CDH2: variants seen among roughly 807,000 people sequenced by gnomAD.
CDH2 encodes cadherin-2.
CDH2 carries 17 observed loss-of-function variants against 92.0 expected under a neutral mutation model. The ratio of observed to expected loss-of-function variants is 0.18; its 90% CI spans 0.13 to 0.28. The LOEUF (loss-of-function observed/expected upper bound fraction) is 0.28, where lower values mean the gene tolerates loss of function less well. Ranked by LOEUF, CDH2 falls within the 10% of genes least tolerant of loss-of-function variation. The probability of loss-of-function intolerance (pLI) is 1.00; values close to 1 mark genes in which losing one functional copy is unlikely to be tolerated. For synonymous variants in CDH2, 419 were observed against 415.9 expected, an observed-to-expected ratio of 1.01 and a Z score of -0.09; for missense variants, 862 against 1,133.1, an observed-to-expected ratio of 0.76 and a Z score of 3.44.
chr18:28,042,815 T>A (rs922984390), intron 2 of CDH2, among the ~76,000 whole-genome samples: 1 of 152,100 alleles, frequency 6.6e-6, no homozygotes, highest in Non-Finnish European at 1.5e-5. Flanking sequence ...ATAATAAAAA[T>A]CAGAGTAAAT....
intron 2 of CDH2, among the ~76,000 whole-genome samples, chr18:28,069,719 G>A (rs1285335422): frequency 1.3e-5 from 2 of 152,048 alleles, no homozygotes; most frequent in Non-Finnish European, 2.9e-5. Flanking sequence ...CCAGAATGCG[G>A]GACACATTAA....
intron 2 of CDH2, among the ~76,000 whole-genome samples, chr18:28,123,942 G>A (rs1246722992): frequency 6.6e-6 from 1 of 152,022 alleles, no homozygotes; most frequent in Non-Finnish European, 1.5e-5. Flanking sequence ...GCGGGAGGTG[G>A]GGGAGATAAA....
intron 2 of CDH2, among the ~76,000 whole-genome samples, chr18:28,018,549 C>A (rs1422131623): frequency 6.6e-6 from 1 of 151,744 alleles, no homozygotes; most frequent in Non-Finnish European, 1.5e-5. Context: ...GGCATATAGA[C>A]CAATGGAACA....
intron 14 of CDH2, among the ~76,000 whole-genome samples, chr18:27,976,017 G>A (rs1293585011): frequency 3.9e-5 from 6 of 152,198 alleles, no homozygotes; most frequent in East Asian, 1.9e-4. Context: ...GGACAGAATC[G>A]GGGGCAGGGC....
chr18:28,169,598 T>A (rs2016434768), intron 1 of CDH2, among the ~76,000 whole-genome samples: 1 of 152,176 alleles, frequency 6.6e-6, no homozygotes, highest in South Asian at 2.1e-4. Flanking sequence ...TGTTTTTAAT[T>A]ACACAAAAAT....
At chr18:28,132,681 G>A (rs543125000) in intron 2 of CDH2, among the ~76,000 whole-genome samples, 5 of 152,244 alleles carry the variant, frequency 3.3e-5, no homozygotes, top group South Asian at 2.1e-4. Context: ...GAGCAGCAGG[G>A]AGCAGATACC....
At chr18:28,152,892 T>C (rs963393145) in intron 1 of CDH2, among the ~76,000 whole-genome samples, 5 of 151,932 alleles carry the variant, frequency 3.3e-5, no homozygotes, top group Non-Finnish European at 7.4e-5. Flanking sequence ...AATACCAAGA[T>C]AGTTAAGATC....
At chr18:28,137,612 C>T (rs997531978) in intron 2 of CDH2, among the ~76,000 whole-genome samples, 2 of 151,742 alleles carry the variant, frequency 1.3e-5, no homozygotes, top group Non-Finnish European at 2.9e-5. Flanking sequence ...AAACAAAAAA[C>T]TGTGCTCAAA....
At chr18:28,120,100 G>A (rs1379848603) in intron 2 of CDH2, among the ~76,000 whole-genome samples, 1 of 151,860 alleles carries the variant, frequency 6.6e-6, no homozygotes, top group Admixed American at 6.6e-5. Context: ...GTTTCACACA[G>A]CCAAAACTGC....
chr18:27,949,089 A>G (rs1909347824), downstream of CDH2, among the ~76,000 whole-genome samples: 1 of 151,972 alleles, frequency 6.6e-6, no homozygotes, highest in Non-Finnish European at 1.5e-5. Context: ...GTCATTTTAC[A>G]GAATACTTTA....
At chr18:28,141,755 C>A (rs2015957490) in intron 2 of CDH2, among the ~76,000 whole-genome samples, 1 of 151,982 alleles carries the variant, frequency 6.6e-6, no homozygotes. Context: ...ATCATTAGCT[C>A]CTCATAGTCA....
intron 6 of CDH2, among the ~76,000 whole-genome samples, chr18:27,940,399 T>G (rs559915957): frequency 2.6e-5 from 4 of 152,306 alleles, no homozygotes; most frequent in African/African-American, 9.6e-5. Flanking sequence ...TCCCTAGAAA[T>G]TCTAATATGT....
chr18:27,941,100 G>A (rs1295973134), intron 6 of CDH2, among the ~76,000 whole-genome samples: 24 of 143,228 alleles, frequency 1.7e-4, no homozygotes, highest in Admixed American at 6.7e-4. Context: ...CAGTGGTGCT[G>A]TCTTGGCTCA....
chr18:27,958,097 T>C (rs1481123423), intron 15 of CDH2, among the ~76,000 whole-genome samples: 1 of 152,206 alleles, frequency 6.6e-6, no homozygotes, highest in Admixed American at 6.5e-5. Context: ...GAGGTTCTAT[T>C]ACTATTCCCA....
chr18:28,090,288 T>C (rs1201233766), intron 2 of CDH2, among the ~76,000 whole-genome samples: 2 of 152,172 alleles, frequency 1.3e-5, no homozygotes, highest in Admixed American at 1.3e-4. Flanking sequence ...CAATAACATC[T>C]AAATTAATTT....
intron 2 of CDH2, among the ~76,000 whole-genome samples, chr18:28,067,265 T>C (rs1185881829): frequency 6.6e-6 from 1 of 152,160 alleles, no homozygotes; most frequent in Non-Finnish European, 1.5e-5. Context: ...ATTCAATGGC[T>C]TTTAGTATAT....
intron 14 of CDH2, among the ~76,000 whole-genome samples, chr18:27,969,942 G>C (rs949273286): frequency 3.3e-5 from 5 of 152,222 alleles, no homozygotes; most frequent in Non-Finnish European, 5.9e-5. Flanking sequence ...AGAGGTTGCA[G>C]TGAGCCAAGA....
At chr18:28,095,230 T>G (rs886866020) in intron 2 of CDH2, among the ~76,000 whole-genome samples, 1 of 151,932 alleles carries the variant, frequency 6.6e-6, no homozygotes, top group African/African-American at 2.4e-5. Context: ...GCTTGCTAGA[T>G]GAACGAACAA....
chr18:27,997,027 T>C (rs1225290867), intron 7 of CDH2, among the ~76,000 whole-genome samples: 2 of 152,192 alleles, frequency 1.3e-5, no homozygotes, highest in African/African-American at 4.8e-5. Context: ...AAAGCTTAAT[T>C]TATTGTAAAA....
Sources: gnomAD v4.1 joint callset for allele counts (sites outside exome capture counted in the v4.1 genomes callset) on GRCh38, gnomAD v4.1.1 for gene constraint, MANE v1.5 for transcripts, NCBI Gene and HGNC (gene_info 2026-07-23, HGNC 2026-07-21) for gene names.